MYBL1: variants seen among roughly 807,000 people sequenced by gnomAD.
MYBL1 encodes the protein MYB proto-oncogene like 1.
Under a neutral mutation model 96.3 loss-of-function variants are expected in MYBL1, and 17 were observed. The ratio of observed to expected loss-of-function variants is 0.18; its 90% confidence interval spans 0.12 to 0.26. MYBL1 has a LOEUF of 0.26. Among genes scored for constraint, MYBL1 ranks in the 10% least tolerant of loss-of-function variants. MYBL1 has a pLI of 1.00. For missense variants in MYBL1, 701 were observed against 882.9 expected (o/e 0.79, Z 2.61); for synonymous variants, 282 against 292.7 (o/e 0.96, Z 0.37).
Position 66,575,827 on chromosome 8 carries a change from C to T in MYBL1, c.1470+180G>A, listed in dbSNP as rs956688071. On this transcript the variant is annotated intron_variant, in intron 10 of 15. Transcript: ENST00000522677. ...AAATAAATAAATAAATAAATATTTGCAGCTACTACATTTTGTGAGATACTT... is the reference window on the plus strand; with the variant it reads ...AAATAAATAAATAAATAAATATTTGTAGCTACTACATTTTGTGAGATACTT... 2.6e-5 allele frequency among the ~76,000 whole-genome samples: 4 copies of T among 151,836 alleles called. No homozygotes were observed. In the East Asian group the frequency reaches 7.7e-4, roughly 29 times the overall value.
chr8:66,578,087 G>A (rs1809040371), intron 9 of MYBL1, among the ~76,000 whole-genome samples: 1 of 152,002 alleles, frequency 6.6e-6, no homozygotes, highest in Admixed American at 6.6e-5. Flanking sequence ...ATTCAAGATG[G>A]ATTAAAGACT....
intron 8 of MYBL1, among the ~76,000 whole-genome samples, chr8:66,582,336 A>G (rs1809245992): frequency 6.6e-6 from 1 of 152,028 alleles, no homozygotes; most frequent in African/African-American, 2.4e-5. Context: ...ATGTAAAAGG[A>G]TGGAAAAAGA....
chr8:66,573,535 C>A, intron 10 of MYBL1, 29 bp from the exon 11 acceptor site: 1 of 1,544,442 alleles, frequency 6.5e-7, no homozygotes, highest in Non-Finnish European at 8.7e-7. Context: ...TTAAAGACGA[C>A]TTCTAGAACA....
At chr8:66,566,819 T>C in intron 13 of MYBL1, 31 bp from the exon 14 acceptor site, 1 of 1,589,080 alleles carries the variant, frequency 6.3e-7, no homozygotes. Context: ...AGAAGCTTTA[T>C]GGCAAAGTCT....
At chr8:66,611,586 C>T (rs967741836) in intron 1 of MYBL1, among the ~76,000 whole-genome samples, 2 of 152,204 alleles carry the variant, frequency 1.3e-5, no homozygotes, top group South Asian at 2.1e-4. Flanking sequence ...AAAGAATTAT[C>T]TGGTCCAAGA....
chr8:66,571,428 G>A (rs1808723319), intron 12 of MYBL1, among the ~76,000 whole-genome samples: 1 of 152,088 alleles, frequency 6.6e-6, no homozygotes, highest in Non-Finnish European at 1.5e-5. Flanking sequence ...CATAGAAAAG[G>A]AAACTGAGCC....
Position 66,566,674 on chromosome 8 carries a change from C to A in MYBL1, c.1950+10G>T. On this transcript the variant is annotated intron_variant, in intron 14 of 15. Coordinates refer to ENST00000522677, the MANE Select transcript of MYBL1 (RefSeq NM_001080416.4). The stretch of plus-strand genomic sequence containing the variant: ...ATTTAAAATAACAACAATAATAATC[C>A]TTTACAAACCTGCATGTCTGAAATG... 6.5e-7 allele frequency: 1 copy of A among 1,547,600 alleles called. No individual in the cohort carries two copies.
chr8:66,599,546 A>T (rs942916940), intron 3 of MYBL1, among the ~76,000 whole-genome samples: 2 of 152,220 alleles, frequency 1.3e-5, no homozygotes, highest in African/African-American at 2.4e-5. Flanking sequence ...CATGCCTGTA[A>T]TCCCAACACT....
chr8:66,565,218 T>C (rs915660925), intron 15 of MYBL1: 2 of 152,446 alleles, frequency 1.3e-5, no homozygotes, highest in African/African-American at 4.8e-5. Flanking sequence ...GAATGCTTTA[T>C]TTACAAATTA....
chr8:66,612,626 C>T, intron 1 of MYBL1, 193 bp downstream of exon 1: 1 of 544,792 alleles, frequency 1.8e-6, no homozygotes, highest in Non-Finnish European at 2.9e-6. Flanking sequence ...GCGCCTCAAA[C>T]ACCCTGGTCC....
At chr8:66,596,893 T>C (rs1209481014) in intron 5 of MYBL1, among the ~76,000 whole-genome samples, 1 of 152,170 alleles carries the variant, frequency 6.6e-6, no homozygotes, top group African/African-American at 2.4e-5. Flanking sequence ...TTAATTAAGA[T>C]TGAATTTTCC....
At chr8:66,565,992 T>C in intron 15 of MYBL1, 72 bp downstream of exon 15, 2 of 998,876 alleles carry the variant, frequency 2.0e-6, no homozygotes, top group Admixed American at 6.6e-5. Context: ...GTATAATTTG[T>C]GATCAGTAAA....
chr8:66,564,589 G>A lies in MYBL1; in HGVS notation c.*108C>T. 2.3e-6 allele frequency: 2 copies of A among 871,630 alleles called. No homozygotes were observed. Among genetic ancestry groups the A allele is most frequent in the East Asian group, 3.1e-5 (1 of 32,690 alleles). 54.0% of individuals were successfully genotyped at this position (871,630 alleles called of 1,614,324 possible). On this transcript the variant is annotated 3_prime_UTR_variant, in exon 16 of 16. Coordinates refer to ENST00000522677, the MANE Select transcript of MYBL1 (RefSeq NM_001080416.4). ...TAGAAAAAAGATGCTGTATTAAAAG[G>A]GCTATCTTACAACTTTAAAAACAAC... is the stretch of plus-strand genomic sequence containing the variant.
At chr8:66,582,164 T>G (rs1809236889) in intron 8 of MYBL1, among the ~76,000 whole-genome samples, 2 of 151,784 alleles carry the variant, frequency 1.3e-5, no homozygotes. Context: ...ATTAACAAAA[T>G]GAAAAGAGTA....
chr8:66,580,488 T>C (rs984143216), intron 8 of MYBL1, 122 bp from the exon 9 acceptor site: 2 of 658,578 alleles, frequency 3.0e-6, no homozygotes, highest in South Asian at 4.5e-5. Flanking sequence ...TTCCTCAAAA[T>C]TGGTATACTT....
At chr8:66,599,178 T>C (rs1809969156) in intron 3 of MYBL1, 36 bp from the exon 4 acceptor site, 8 of 1,470,622 alleles carry the variant, frequency 5.4e-6, no homozygotes, top group South Asian at 1.3e-5. Flanking sequence ...ATTAAACAAC[T>C]GTCTTCCAGA....
intron 8 of MYBL1, among the ~76,000 whole-genome samples, chr8:66,582,937 T>C (rs1035566502): frequency 6.6e-6 from 1 of 152,100 alleles, no homozygotes; most frequent in Non-Finnish European, 1.5e-5. Flanking sequence ...TGAAAGATCA[T>C]CTAGACAGAA....
Position 66,564,802 on chromosome 8 carries a change from C to T in MYBL1, c.2154G>A (p.Val718=). 1 of 1,570,756 alleles carries T rather than the reference C, an allele frequency of 6.4e-7. No individual in the cohort carries two copies. The highest frequency in any genetic ancestry group is 8.7e-7 in the Non-Finnish European group (1 of 1,154,228). ...NLQSNCEWET[V]VYGKTEDQLI... ...GTTGGTCTTCTGTCTTCCCATAAAC[C>T]ACTGTTTCCCATTCACAATTTGACT... Residue 718 remains valine (V), a synonymous_variant, in exon 16 of 16, where the codon GTG becomes GTA. Transcript: ENST00000522677.
At position 66,579,648 on chromosome 8, in the gene MYBL1, T is replaced by A. The variant is rs184421735; in HGVS notation, c.1101+485A>T. Among the ~76,000 whole-genome samples, 278 of 146,390 alleles carry A rather than the reference T, an allele frequency of 1.9e-3. 1 individual carries two copies. The highest frequency in any genetic ancestry group is 6.8e-3 in the African/African-American group (259 of 38,200). On this transcript the variant is annotated intron_variant, in intron 9 of 15. Coordinates refer to ENST00000522677, the MANE Select transcript of MYBL1 (RefSeq NM_001080416.4). ...CTCCAGCCTGGGCGACAGAGTGAGA[T>A]GCCATCTTAAAAAAAAAAAAATCAA...
Sources: gnomAD v4.1 joint callset for allele counts (sites outside exome capture counted in the v4.1 genomes callset) on GRCh38, gnomAD v4.1.1 for gene constraint, MANE v1.5 for transcripts, NCBI Gene and HGNC (gene_info 2026-07-23, HGNC 2026-07-21) for gene names.